ALK: variants seen among roughly 807,000 people sequenced by gnomAD.
ALK encodes ALK receptor tyrosine kinase.
In ALK, 74 loss-of-function variants were observed where a neutral mutation model predicts 163.1. That is an observed-to-expected ratio of 0.45 (90% CI 0.38 to 0.55). The LOEUF (loss-of-function observed/expected upper bound fraction) is 0.55. Among genes scored for constraint, ALK ranks in the 20% least tolerant of loss-of-function variants. The probability of loss-of-function intolerance (pLI) is 0.00; values close to 1 mark genes in which losing one functional copy is unlikely to be tolerated. For synonymous variants in ALK, 960 were observed against 843.2 expected, an observed-to-expected ratio of 1.14 and a Z score of -2.40; for missense variants, 2,063 against 2,105.3, an observed-to-expected ratio of 0.98 and a Z score of 0.39.
chr2:29,847,443 G>A (rs532345334), intron 1 of ALK, among the ~76,000 whole-genome samples: 10 of 152,244 alleles, frequency 6.6e-5, no homozygotes, highest in Non-Finnish European at 1.0e-4. Context: ...TTGCTGATCA[G>A]GTACATACTT....
intron 3 of ALK, among the ~76,000 whole-genome samples, chr2:29,543,357 A>C (rs930664634): frequency 1.3e-5 from 2 of 152,226 alleles, no homozygotes; most frequent in Non-Finnish European, 2.9e-5. Flanking sequence ...AACAGGAGCT[A>C]TATGTGTACA....
chr2:29,804,737 T>C (rs1572393332), intron 1 of ALK, among the ~76,000 whole-genome samples: 1 of 152,186 alleles, frequency 6.6e-6, no homozygotes, highest in Admixed American at 6.5e-5. Context: ...TAGACCCATG[T>C]TGGGGGCTAA....
At chr2:29,782,547 C>G (rs1663863766) in intron 1 of ALK, among the ~76,000 whole-genome samples, 1 of 152,194 alleles carries the variant, frequency 6.6e-6, no homozygotes, top group Non-Finnish European at 1.5e-5. Flanking sequence ...CCCACTCCAG[C>G]AAGATCCCCT....
chr2:29,222,431 GGGA>G lies in ALK; in HGVS notation c.3451-26_3451-24del, dbSNP rs775243091. The G allele has an allele frequency of 3.1e-6, 5 of 1,613,774 alleles. No homozygotes were observed. Among genetic ancestry groups the G allele is most frequent in the Non-Finnish European group, 4.2e-6 (5 of 1,179,772 alleles). ...CGTCTGGGCAGAGAAGGGGAGGGTGGGGAGGAGGAGGAGGCTGTGAGCTGAGAA... is the reference window on the plus strand; with the variant it reads ...CGTCTGGGCAGAGAAGGGGAGGGTGGGGAGGAGGAGGCTGTGAGCTGAGAA... On this transcript the variant is annotated intron_variant, in intron 21 of 28. Coordinates refer to ENST00000389048, the MANE Select transcript of ALK (RefSeq NM_004304.5).
chr2:29,799,974 C>G (rs377499080), intron 1 of ALK, among the ~76,000 whole-genome samples: 1 of 152,140 alleles, frequency 6.6e-6, no homozygotes, highest in Non-Finnish European at 1.5e-5. Context: ...GGCACTGTGC[C>G]GCATTAGGGT....
intron 3 of ALK, among the ~76,000 whole-genome samples, chr2:29,594,721 C>T (rs1256161261): frequency 6.6e-6 from 1 of 151,906 alleles, no homozygotes; most frequent in Non-Finnish European, 1.5e-5. Flanking sequence ...GCCACTGCAC[C>T]CAGCCAAGTC....
chr2:29,217,961 C>T (rs1669686395), intron 23 of ALK, among the ~76,000 whole-genome samples: 1 of 152,224 alleles, frequency 6.6e-6, no homozygotes. Flanking sequence ...TTAGTCCTGT[C>T]TGTCTGCTGG....
intron 12 of ALK, among the ~76,000 whole-genome samples, chr2:29,241,415 G>C (rs143744227): frequency 6.6e-6 from 1 of 152,116 alleles, no homozygotes; most frequent in East Asian, 1.9e-4. Context: ...GAGCTCATGG[G>C]TGAAAGCCCC....
intron 9 of ALK, 132 bp downstream of exon 9, chr2:29,296,756 C>CGTGCACGT (rs1666193767): frequency 9.9e-7 from 1 of 1,012,730 alleles, no homozygotes; most frequent in Non-Finnish European, 1.5e-6. Flanking sequence ...TGCGTGCACG[C>CGTGCACGT]GCACATATCG....
At chr2:29,827,727 A>G (rs1665241980) in intron 1 of ALK, among the ~76,000 whole-genome samples, 1 of 152,214 alleles carries the variant, frequency 6.6e-6, no homozygotes, top group Non-Finnish European at 1.5e-5. Context: ...ATATCGTGAA[A>G]ATGGCCATAC....
At position 29,641,466 on chromosome 2, in the gene ALK, C is replaced by T. The variant is rs535394426; in HGVS notation, c.952+53384G>A. On this transcript the variant is annotated intron_variant, in intron 3 of 28. Transcript: ENST00000389048. ...ATTGTGAGTTGGATCTGCTGAACAG[C>T]CCCTGGGAAAAACAGGGGCCCTGAG... Among the ~76,000 whole-genome samples, 7 of 152,190 alleles carry T rather than the reference C, an allele frequency of 4.6e-5. No individual in the cohort carries two copies. The South Asian group carries it at 1.0e-3, about 23-fold the overall frequency.
chr2:29,879,850 C>T (rs1666811568), intron 1 of ALK, among the ~76,000 whole-genome samples: 2 of 152,160 alleles, frequency 1.3e-5, no homozygotes, highest in Admixed American at 6.5e-5. Context: ...AATCTGATAA[C>T]TAACAAGGCC....
intron 4 of ALK, among the ~76,000 whole-genome samples, chr2:29,495,671 A>G (rs2148127924): frequency 6.6e-6 from 1 of 152,324 alleles, no homozygotes; most frequent in African/African-American, 2.4e-5. Context: ...TTGACAGAGG[A>G]GGAAACACAG....
chr2:29,222,096 A>T (rs1057158543), intron 22 of ALK, among the ~76,000 whole-genome samples: 5 of 152,232 alleles, frequency 3.3e-5, no homozygotes, highest in African/African-American at 1.2e-4. Flanking sequence ...AACAGCAGGG[A>T]TACTGGTTGC....
chr2:29,497,895 C>A (rs984682596), intron 4 of ALK, among the ~76,000 whole-genome samples: 1 of 152,090 alleles, frequency 6.6e-6, no homozygotes, highest in Non-Finnish European at 1.5e-5. Context: ...AATTTAAATT[C>A]TTTTCTTTCT....
At chr2:29,569,570 C>G (rs34140919) in intron 3 of ALK, among the ~76,000 whole-genome samples, 18,127 of 99,586 alleles carry the variant, frequency 0.18, 1,397 homozygotes, top group Non-Finnish European at 0.23. Context: ...TCTTCCCCCC[C>G]CCTAGTGAGG....
intron 4 of ALK, among the ~76,000 whole-genome samples, chr2:29,439,851 T>A (rs1239657874): frequency 6.6e-6 from 1 of 152,082 alleles, no homozygotes; most frequent in South Asian, 2.1e-4. Flanking sequence ...AGAGAGAACA[T>A]GGCCTGGCTG....
At chr2:29,343,951 A>G (rs1667874460) in intron 5 of ALK, among the ~76,000 whole-genome samples, 1 of 152,180 alleles carries the variant, frequency 6.6e-6, no homozygotes, top group Non-Finnish European at 1.5e-5. Context: ...AGAGTCTACA[A>G]TTTCATTTAG....
chr2:29,633,710 A>G (rs549013794), intron 3 of ALK, among the ~76,000 whole-genome samples: 1 of 152,266 alleles, frequency 6.6e-6, no homozygotes, highest in African/African-American at 2.4e-5. Context: ...AATGCAAATT[A>G]CCAATATGAG....
Sources: gnomAD v4.1 joint callset for allele counts (sites outside exome capture counted in the v4.1 genomes callset) on GRCh38, gnomAD v4.1.1 for gene constraint, MANE v1.5 for transcripts, NCBI Gene and HGNC (gene_info 2026-07-23, HGNC 2026-07-21) for gene names.